DOCK3: variants seen among roughly 807,000 people sequenced by gnomAD.
DOCK3 encodes the protein dedicator of cytokinesis protein 3.
DOCK3 carries 60 observed loss-of-function variants against 265.6 expected under a neutral mutation model. The ratio of observed to expected loss-of-function variants is 0.23; its 90% CI spans 0.18 to 0.28. DOCK3 has a LOEUF of 0.28. DOCK3 is among the 10% of genes least tolerant of loss of function. The probability of loss-of-function intolerance (pLI) is 1.00; values close to 1 mark genes in which losing one functional copy is unlikely to be tolerated. For synonymous variants in DOCK3, 881 were observed against 938.0 expected (o/e 0.94, Z 1.11); for missense variants, 1,981 against 2,594.3 (o/e 0.76, Z 5.14).
At chr3:51,034,964 TG>T (rs1304914296) in intron 5 of DOCK3, among the ~76,000 whole-genome samples, 1 of 152,134 alleles carries the variant, frequency 6.6e-6, no homozygotes, top group Non-Finnish European at 1.5e-5. Flanking sequence ...TTCTGCTCTA[TG>T]TGATTCATTG....
intron 2 of DOCK3, among the ~76,000 whole-genome samples, chr3:50,821,000 G>T (rs537253615): frequency 7.1e-4 from 107 of 151,512 alleles, no homozygotes; most frequent in African/African-American, 2.5e-3. Flanking sequence ...GGGGTTATTT[G>T]TTTTTTGCTT....
rs141783869 is a variant in DOCK3, at chr3:50,889,652, A to G, written c.163-374A>G. On this transcript the variant is annotated intron_variant, in intron 3 of 52. Coordinates refer to ENST00000266037, the MANE Select transcript of DOCK3 (RefSeq NM_004947.5). Reference sequence around the variant, plus strand: ...TGTTTTTCTAGCTCAGAGCTAGATAATCTGTAAGTTGTTGGTTAGATGATG... The same window carrying G: ...TGTTTTTCTAGCTCAGAGCTAGATAGTCTGTAAGTTGTTGGTTAGATGATG... Among the ~76,000 whole-genome samples the G allele has an allele frequency of 3.5e-3, 535 of 152,178 alleles. 5 individuals are homozygous for G. The highest frequency in any genetic ancestry group is 0.013 in the African/African-American group (522 of 41,542).
intron 40 of DOCK3, 130 bp downstream of exon 40, chr3:51,350,522 A>C: frequency 1.0e-6 from 1 of 1,002,480 alleles, no homozygotes; most frequent in Non-Finnish European, 1.5e-6. Context: ...CCAGTTAACA[A>C]CAGGCATTTG....
chr3:50,919,603 A>G (rs1222478299), intron 4 of DOCK3, among the ~76,000 whole-genome samples: 1 of 152,196 alleles, frequency 6.6e-6, no homozygotes, highest in Non-Finnish European at 1.5e-5. Context: ...TTGATTTTGT[A>G]TCCTGAGACT....
chr3:51,107,499 A>G (rs1020393823), intron 9 of DOCK3, among the ~76,000 whole-genome samples: 2 of 152,248 alleles, frequency 1.3e-5, no homozygotes, highest in African/African-American at 4.8e-5. Flanking sequence ...CGAAATAGCC[A>G]GTATAGAAAA....
intron 4 of DOCK3, among the ~76,000 whole-genome samples, chr3:50,925,471 A>T (rs2050707275): frequency 6.6e-6 from 1 of 152,028 alleles, no homozygotes. Context: ...TGAGCCAAGG[A>T]GTTTGAGGCC....
rs755825346 is a variant in DOCK3, at chr3:51,374,516, T to A, written c.5341T>A (p.Leu1781Met). 2 of 1,606,908 alleles carry A rather than the reference T, an allele frequency of 1.2e-6. No individual in the cohort carries two copies. The highest frequency in any genetic ancestry group is 1.7e-5 in the Admixed American group (1 of 59,812). ...GTACCGCCATGCCCGTGAAATGATG[T>A]TGTTGCTGCCCACATACCGGGACCG... ...DKYRHAREMM[L>M]LLPTYRDRPS... The change falls in exon 50 of 53, where the codon TTG (leucine) becomes ATG (methionine). Residue 1781 changes from leucine (L) to methionine (M), a missense_variant. This residue lies in a region of DOCK3 where 1,357 missense variants were observed against 1,866.8 expected (regional missense o/e 0.73). Transcript: ENST00000266037. The surrounding 1 kb of genome is among the most constrained non-coding windows in gnomAD (Gnocchi z 4.8).
chr3:50,913,106 C>CAT (rs2049944898), intron 4 of DOCK3, among the ~76,000 whole-genome samples: 1 of 152,128 alleles, frequency 6.6e-6, no homozygotes, highest in South Asian at 2.1e-4. Flanking sequence ...AGGCCCTTGA[C>CAT]ATAGTACCTG....
chr3:50,711,882 GATTTTCT>G (rs2036795444), intron 1 of DOCK3, among the ~76,000 whole-genome samples: 1 of 152,084 alleles, frequency 6.6e-6, no homozygotes, highest in Admixed American at 6.5e-5. Flanking sequence ...GGCATATTCA[GATTTTCT>G]ATTTCTTCAG....
At chr3:50,933,932 A>C (rs1487959375) in intron 4 of DOCK3, 49 bp from the exon 5 acceptor site, 3 of 1,333,734 alleles carry the variant, frequency 2.2e-6, no homozygotes, top group Non-Finnish European at 3.1e-6. Flanking sequence ...CAGTTTGCCG[A>C]GATTTTTTTC....
chr3:50,793,909 C>T (rs2042627775), intron 2 of DOCK3, among the ~76,000 whole-genome samples: 1 of 152,012 alleles, frequency 6.6e-6, no homozygotes, highest in Non-Finnish European at 1.5e-5. Flanking sequence ...TAGCTGTGTC[C>T]CAGAGATTTT....
rs192796305 is a variant in DOCK3 at position 51,128,465 on chromosome 3, A to G, written c.747-18084A>G. ...GAACATGGTAATACCAGTGAATTCC[A>G]TGAGCATGAGCCCACTGCCACACTT... On this transcript the variant is annotated intron_variant, in intron 9 of 52. Transcript: ENST00000266037. Among the ~76,000 whole-genome samples the G allele has an allele frequency of 4.6e-5, 7 of 152,332 alleles. No homozygotes were observed. The East Asian group carries it at 5.8e-4, about 13-fold the overall frequency.
Position 51,043,072 on chromosome 3 carries a change from T to C in DOCK3, c.316-21376T>C, listed in dbSNP as rs143299215. Among the ~76,000 whole-genome samples, 302 of 152,340 alleles carry C rather than the reference T, an allele frequency of 2.0e-3. 3 individuals are homozygous for C. The highest frequency in any genetic ancestry group is 6.6e-3 in the African/African-American group (276 of 41,594). On this transcript the variant is annotated intron_variant, in intron 5 of 52. Coordinates refer to ENST00000266037, the MANE Select transcript of DOCK3 (RefSeq NM_004947.5). ...CCATTAAACTACCATTGACATTCTT[T>C]ACAGAACTAGAAAAAACTATTTTAA...
At chr3:50,905,378 T>G (rs1392007175) in intron 4 of DOCK3, among the ~76,000 whole-genome samples, 1 of 152,150 alleles carries the variant, frequency 6.6e-6, no homozygotes, top group Non-Finnish European at 1.5e-5. Context: ...ACGATATTGC[T>G]TCTTCCTATC....
Position 51,228,117 on chromosome 3 carries a change from A to C in DOCK3, c.1647+29A>C, listed in dbSNP as rs764519512. On this transcript the variant is annotated intron_variant, in intron 17 of 52. Coordinates refer to ENST00000266037, the MANE Select transcript of DOCK3 (RefSeq NM_004947.5). ...TGAAGCCTAGCTGCCTTTCATCCCC[A>C]CCCCTTACCTGCCCTGAGGCCACTC... The C allele has an allele frequency of 5.0e-6, 8 of 1,605,642 alleles. No individual in the cohort carries two copies. The East Asian group carries it at 1.3e-4, about 27-fold the overall frequency.
intron 5 of DOCK3, among the ~76,000 whole-genome samples, chr3:50,936,888 T>C (rs2051392902): frequency 6.6e-6 from 1 of 152,172 alleles, no homozygotes; most frequent in South Asian, 2.1e-4. Flanking sequence ...AAAGGGTAGA[T>C]TAATTATCTC....
chr3:50,680,215 C>CT (rs771036444), intron 1 of DOCK3, among the ~76,000 whole-genome samples: 1,821 of 136,168 alleles, frequency 0.013, 19 homozygotes, highest in South Asian at 0.023. Flanking sequence ...CTTTTTCTTT[C>CT]TTTTTTTTTT....
At chr3:50,892,134 G>A (rs905960089) in intron 4 of DOCK3, among the ~76,000 whole-genome samples, 11 of 152,084 alleles carry the variant, frequency 7.2e-5, no homozygotes, top group Admixed American at 1.3e-4. Flanking sequence ...AGAACAATTG[G>A]TTGGGCAAGA....
At position 51,381,433 on chromosome 3, in the gene DOCK3, G is replaced by T. The variant is rs782591930; in HGVS notation, c.5967G>T (p.Glu1989Asp). Residue 1989 changes from glutamate to aspartate, a missense_variant, in exon 53 of 53, where the codon GAG (glutamate) becomes GAT (aspartate). Coordinates refer to ENST00000266037, the MANE Select transcript of DOCK3 (RefSeq NM_004947.5). The surrounding 1 kb of genome is among the most constrained non-coding windows in gnomAD (Gnocchi z 5.6). ...GCCTGCCGGCCCTGGAGCACGATGA[G>T]GGGGTGCTGCTGCGTGAAGAGACTG... ...HPRLPALEHD[E>D]GVLLREETER... 6.2e-7 allele frequency: 1 copy of T among 1,610,660 alleles called. No individual in the cohort carries two copies. The highest frequency in any genetic ancestry group is 1.7e-5 in the Admixed American group (1 of 59,586).
Sources: allele counts gnomAD v4.1 joint callset (sites outside exome capture counted in the v4.1 genomes callset), GRCh38; gene constraint gnomAD v4.1.1; regional missense constraint gnomAD v4.1.1; non-coding constraint Gnocchi (gnomAD v3.1); transcripts MANE v1.5; gene names NCBI Gene and HGNC (gene_info 2026-07-23, HGNC 2026-07-21).